The following SDK1 variants were observed in gnomAD, a reference collection of about 807,000 sequenced individuals.
The protein encoded by SDK1 is sidekick cell adhesion molecule 1.
In SDK1, 157 loss-of-function variants were observed where a neutral mutation model predicts 245.5. The ratio of observed to expected loss-of-function variants is 0.64; its 90% CI spans 0.56 to 0.73. SDK1 has a LOEUF of 0.73. Among genes scored for constraint, SDK1 ranks in the 30% least tolerant of loss-of-function variants. SDK1 has a pLI of 0.00. For synonymous variants in SDK1, 1,647 were observed against 1,278.5 expected (o/e 1.29, Z -6.15); for missense variants, 3,583 against 3,002.3 (o/e 1.19, Z -4.52).
At chr7:3,546,744 C>T (rs970696447) in intron 1 of SDK1, among the ~76,000 whole-genome samples, 4 of 152,172 alleles carry the variant, frequency 2.6e-5, no homozygotes, top group Non-Finnish European at 4.4e-5. Context: ...GCTTATTGCA[C>T]GGGTAGCGTC....
intron 25 of SDK1, among the ~76,000 whole-genome samples, chr7:4,114,857 A>G (rs1783598257): frequency 6.6e-6 from 1 of 152,148 alleles, no homozygotes; most frequent in African/African-American, 2.4e-5. Context: ...AAAGAAGGCA[A>G]AGAATGGACC....
intron 22 of SDK1, among the ~76,000 whole-genome samples, chr7:4,094,351 C>G (rs112353777): frequency 1.3e-5 from 2 of 152,142 alleles, no homozygotes; most frequent in East Asian, 1.9e-4. Context: ...TGTGAGCCAC[C>G]GCGCCCGGCC....
At chr7:3,723,005 G>A (rs1038575649) in intron 4 of SDK1, among the ~76,000 whole-genome samples, 5 of 152,240 alleles carry the variant, frequency 3.3e-5, no homozygotes, top group African/African-American at 4.8e-5. Context: ...AAGAAAAGAA[G>A]TAACAAGTAA....
intron 1 of SDK1, among the ~76,000 whole-genome samples, chr7:3,347,114 C>T (rs1384797328): frequency 6.6e-6 from 1 of 151,710 alleles, no homozygotes; most frequent in South Asian, 2.1e-4. Context: ...CCATGCCATT[C>T]CCTCTGCTTG....
Position 4,140,188 on chromosome 7 carries a change from C to T in SDK1, c.4229-5534C>T, listed in dbSNP as rs545492701. ...CCGCCCCGCTCCACCCCAGCCTGCA[C>T]CTCACAGGCTGCTCGTCCCCCTCTC... On this transcript the variant is annotated intron_variant, in intron 28 of 44. Transcript: ENST00000404826. 2.5e-3 allele frequency among the ~76,000 whole-genome samples: 374 copies of T among 152,320 alleles called. 1 individual carries two copies. Among genetic ancestry groups the T allele is most frequent in the African/African-American group, 8.5e-3 (353 of 41,578 alleles).
chr7:3,567,913 G>A (rs1779980297), intron 1 of SDK1, among the ~76,000 whole-genome samples: 1 of 152,192 alleles, frequency 6.6e-6, no homozygotes, highest in Admixed American at 6.5e-5. Flanking sequence ...GTGGGCCCAA[G>A]TGGGCTGATC....
At chr7:4,060,160 C>T (rs1389003807) in intron 19 of SDK1, among the ~76,000 whole-genome samples, 2 of 152,116 alleles carry the variant, frequency 1.3e-5, no homozygotes, top group African/African-American at 2.4e-5. Context: ...GGATTACAGG[C>T]GTGAGCCACC....
intron 7 of SDK1, among the ~76,000 whole-genome samples, chr7:3,952,784 G>A (rs1433860371): frequency 6.6e-6 from 1 of 152,086 alleles, no homozygotes; most frequent in Non-Finnish European, 1.5e-5. Context: ...AAGTACACTG[G>A]AGTTGCCCAG....
At chr7:3,464,470 A>G (rs1413335186) in intron 1 of SDK1, among the ~76,000 whole-genome samples, 1 of 152,144 alleles carries the variant, frequency 6.6e-6, no homozygotes. Flanking sequence ...ACAGTGAACT[A>G]CGATTTCGCC....
intron 22 of SDK1, among the ~76,000 whole-genome samples, chr7:4,087,576 C>T (rs745492848): frequency 5.9e-5 from 9 of 152,140 alleles, no homozygotes; most frequent in African/African-American, 9.7e-5. Flanking sequence ...TGTTCAGGAT[C>T]ATGCTACCTC....
At chr7:4,230,361 G>C (rs1309061800) in intron 40 of SDK1, among the ~76,000 whole-genome samples, 1 of 138,590 alleles carries the variant, frequency 7.2e-6, no homozygotes, top group Non-Finnish European at 1.6e-5. Context: ...TGCCTGGATG[G>C]ATAGATGGAT....
intron 1 of SDK1, among the ~76,000 whole-genome samples, chr7:3,525,194 C>T (rs978236313): frequency 2.6e-5 from 4 of 151,914 alleles, no homozygotes; most frequent in African/African-American, 9.7e-5. Flanking sequence ...TTTGGGTATT[C>T]TTGGTGGGCC....
At chr7:3,760,651 G>C (rs1231148907) in intron 4 of SDK1, among the ~76,000 whole-genome samples, 2 of 152,164 alleles carry the variant, frequency 1.3e-5, no homozygotes, top group Non-Finnish European at 2.9e-5. Flanking sequence ...TTAGACTTCA[G>C]GGATTTTGAT....
intron 17 of SDK1, among the ~76,000 whole-genome samples, chr7:4,048,199 C>T (rs1376245321): frequency 3.9e-5 from 6 of 152,116 alleles, no homozygotes; most frequent in Admixed American, 6.5e-5. Context: ...TCTTTCTCTG[C>T]GTGGATCCAC....
In SDK1 at chr7:4,242,833, C is replaced by T. The variant is rs114342936; in HGVS notation, c.6251+920C>T. On this transcript the variant is annotated intron_variant, in intron 43 of 44. Transcript: ENST00000404826. The stretch of plus-strand genomic sequence containing the variant: ...AGCAGTGTTTGGAGATTCCCTGGGC[C>T]GCCCCCGCCCTCCACTGAATTTGGG... Among the ~76,000 whole-genome samples, 814 of 152,274 alleles carry T rather than the reference C, an allele frequency of 5.3e-3. 3 individuals carry two copies. Among genetic ancestry groups the T allele is most frequent in the African/African-American group, 0.018 (764 of 41,558 alleles).
At chr7:3,993,762 C>G (rs1320776314) in intron 14 of SDK1, among the ~76,000 whole-genome samples, 3 of 152,122 alleles carry the variant, frequency 2.0e-5, no homozygotes, top group East Asian at 1.9e-4. Flanking sequence ...CTCCCTCTCT[C>G]CTGGCTTCTT....
At chr7:4,212,085 A>G (rs1784542673) in intron 38 of SDK1, among the ~76,000 whole-genome samples, 1 of 152,248 alleles carries the variant, frequency 6.6e-6, no homozygotes, top group African/African-American at 2.4e-5. Flanking sequence ...TGTAATATAC[A>G]CAGACAGACT....
intron 1 of SDK1, among the ~76,000 whole-genome samples, chr7:3,511,044 A>T (rs73293551): frequency 0.29 from 44,817 of 152,138 alleles, 6,972 homozygotes; most frequent in African/African-American, 0.35. Flanking sequence ...GTCACAGCAG[A>T]CTAGACAAAT....
chr7:3,512,922 A>G (rs973277861), intron 1 of SDK1, among the ~76,000 whole-genome samples: 2 of 152,048 alleles, frequency 1.3e-5, no homozygotes, highest in East Asian at 1.9e-4. Flanking sequence ...CTATTCTTAG[A>G]AATTTTGGTT....
Sources: allele counts gnomAD v4.1 joint callset (sites outside exome capture counted in the v4.1 genomes callset), GRCh38; gene constraint gnomAD v4.1.1; transcripts MANE v1.5; gene names NCBI Gene and HGNC (gene_info 2026-07-23, HGNC 2026-07-21).